Variants in ARMC8 observed in about 807,000 individuals in gnomAD.
ARMC8 encodes the protein armadillo repeat containing 8.
ARMC8 carries 20 observed loss-of-function variants against 99.3 expected under a neutral mutation model. The observed-to-expected ratio is 0.20, with a 90% confidence interval of 0.14 to 0.29. The LOEUF is 0.29. Among genes scored for constraint, ARMC8 ranks in the 10% least tolerant of loss-of-function variants. The pLI is 1.00. For synonymous variants in ARMC8, 263 were observed against 278.3 expected, an observed-to-expected ratio of 0.95 and a Z score of 0.55; for missense variants, 569 against 809.5, an observed-to-expected ratio of 0.70 and a Z score of 3.60.
chr3:138,215,930 G>A (rs958024812), intron 2 of ARMC8, among the ~76,000 whole-genome samples: 3 of 150,936 alleles, frequency 2.0e-5, no homozygotes, highest in African/African-American at 7.3e-5. Context: ...ATGCAATCTC[G>A]GCTCACTGCA....
chr3:138,293,199 G>A (rs75268451), intron 21 of ARMC8, among the ~76,000 whole-genome samples: 1,574 of 152,306 alleles, frequency 0.01, 25 homozygotes, highest in African/African-American at 0.036. Context: ...AAGCACACAG[G>A]ACAGGCTAGG....
intron 3 of ARMC8, 56 bp from the exon 4 acceptor site, chr3:138,223,333 A>AT: frequency 1.3e-6 from 2 of 1,570,158 alleles, no homozygotes; most frequent in South Asian, 2.3e-5. Flanking sequence ...TTTTGGTCAC[A>AT]TTGAGTCTTG....
chr3:138,216,526 C>T (rs777151204), intron 2 of ARMC8, among the ~76,000 whole-genome samples: 11 of 152,120 alleles, frequency 7.2e-5, no homozygotes, highest in Non-Finnish European at 1.3e-4. Context: ...GAAAGGTTAT[C>T]ATACTTGGAT....
chr3:138,265,934 A>C (rs1447933050), intron 14 of ARMC8, among the ~76,000 whole-genome samples: 3 of 152,204 alleles, frequency 2.0e-5, no homozygotes, highest in African/African-American at 7.2e-5. Flanking sequence ...CCCTGGAGCT[A>C]CTTCAGTGGA....
Position 138,289,031 on chromosome 3 carries a change from T to C in ARMC8, c.1822-17T>C. 1 of 1,603,496 alleles carries C rather than the reference T, an allele frequency of 6.2e-7. No homozygotes were observed. Among genetic ancestry groups the C allele is most frequent in the Non-Finnish European group, 8.5e-7 (1 of 1,174,374 alleles). On this transcript the variant is annotated splice_polypyrimidine_tract_variant and intron_variant, in intron 19 of 21. Transcript: ENST00000469044. Reference sequence around the variant, plus strand: ...TTACCACCATTTTGATTTTTTTTTCTTTTTCTGTATTAATAGGGCCATTCA... The same window carrying C: ...TTACCACCATTTTGATTTTTTTTTCCTTTTCTGTATTAATAGGGCCATTCA...
chr3:138,219,010 G>A (rs866022848), intron 2 of ARMC8, among the ~76,000 whole-genome samples: 15 of 152,258 alleles, frequency 9.9e-5, no homozygotes, highest in Middle Eastern at 3.4e-3. Flanking sequence ...AATGTCTGAT[G>A]TCCTGGCCAT....
At chr3:138,195,434 A>G (rs2043669537) in intron 1 of ARMC8, among the ~76,000 whole-genome samples, 1 of 152,214 alleles carries the variant, frequency 6.6e-6, no homozygotes, top group African/African-American at 2.4e-5. Context: ...TATTTAAGGA[A>G]AGACTAAGAT....
Position 138,223,624 on chromosome 3 carries a change from T to C in ARMC8, c.338-12T>C, listed in dbSNP as rs1462587490. The C allele has an allele frequency of 6.2e-7, 1 of 1,613,812 alleles. No homozygotes were observed. The highest frequency in any genetic ancestry group is 1.7e-5 in the Admixed American group (1 of 60,004). Reference sequence around the variant, plus strand: ...TGAAAGGATTAGTCCTAAATCTCATTTCTGTTAATAGGACTACTGTCCCCA... The same window carrying C: ...TGAAAGGATTAGTCCTAAATCTCATCTCTGTTAATAGGACTACTGTCCCCA... On this transcript the variant is annotated splice_polypyrimidine_tract_variant and intron_variant, in intron 4 of 21. Transcript: ENST00000469044.
intron 2 of ARMC8, among the ~76,000 whole-genome samples, chr3:138,215,629 A>G (rs1244248044): frequency 6.6e-6 from 1 of 152,202 alleles, no homozygotes; most frequent in Non-Finnish European, 1.5e-5. Flanking sequence ...TAAAGTGTTA[A>G]TATCTACCAA....
At chr3:138,204,351 C>T (rs987372352) in intron 1 of ARMC8, among the ~76,000 whole-genome samples, 2 of 152,202 alleles carry the variant, frequency 1.3e-5, no homozygotes, top group African/African-American at 4.8e-5. Context: ...TTACAGTTCT[C>T]TCCCTTCTCA....
intron 12 of ARMC8, chr3:138,246,768 G>A (rs2046900375): frequency 2.0e-6 from 2 of 984,756 alleles, no homozygotes; most frequent in Admixed American, 6.2e-5. Context: ...CAACATGACA[G>A]TCTAATCAGT....
chr3:138,295,828 A>G, intron 21 of ARMC8, 31 bp from the exon 22 acceptor site: 1 of 1,612,874 alleles, frequency 6.2e-7, no homozygotes, highest in South Asian at 1.1e-5. Flanking sequence ...CAATTCTGAG[A>G]TGATGGCTAA....
In ARMC8 at chr3:138,233,826, C is replaced by T. The variant is rs180887211; in HGVS notation, c.529-1208C>T. ...TTGGGGAGCCCAGACCGATAGCCAA[C>T]CTTTGTGATATTTTTCTCTTCTGAG... is the stretch of plus-strand genomic sequence containing the variant. On this transcript the variant is annotated intron_variant, in intron 6 of 21. Transcript: ENST00000469044. 4.1e-4 allele frequency among the ~76,000 whole-genome samples: 63 copies of T among 152,246 alleles called. 1 individual carries two copies. The highest frequency in any genetic ancestry group is 2.4e-3 in the Admixed American group (36 of 15,292).
chr3:138,195,916 T>TA (rs924932247), intron 1 of ARMC8, among the ~76,000 whole-genome samples: 28 of 151,786 alleles, frequency 1.8e-4, no homozygotes, highest in African/African-American at 6.8e-4. Flanking sequence ...AATGAAGAGT[T>TA]ACATTTTCTA....
intron 5 of ARMC8, 155 bp from the exon 6 acceptor site, chr3:138,228,763 G>A: frequency 1.7e-6 from 1 of 587,342 alleles, no homozygotes; most frequent in Non-Finnish European, 3.2e-6. Flanking sequence ...AGTTTTCATG[G>A]CCTCGTTGCT....
intron 1 of ARMC8, among the ~76,000 whole-genome samples, chr3:138,195,647 G>A (rs1349134167): frequency 6.6e-6 from 1 of 152,108 alleles, no homozygotes; most frequent in Admixed American, 6.5e-5. Context: ...TTGTTTTGCA[G>A]TACCATCTGT....
intron 12 of ARMC8, among the ~76,000 whole-genome samples, chr3:138,247,353 C>G (rs74975794): frequency 0.049 from 7,424 of 152,034 alleles, 601 homozygotes; most frequent in African/African-American, 0.17. Context: ...TTTCAGTTAA[C>G]TGAGTCAATA....
chr3:138,239,574 G>A lies in ARMC8; in HGVS notation c.837+46G>A, dbSNP rs751820972. 1.6e-5 allele frequency: 20 copies of A among 1,267,824 alleles called. No homozygotes were observed. The African/African-American group carries it at 2.2e-4, about 14-fold the overall frequency. The allele number at this position is 1,267,824 out of a possible 1,614,324, so 78.5% of individuals were successfully genotyped here. ...TAAAATGTGAAAATTATCCAGTTAT[G>A]TGTTAAATATCAGTATTGATACTCA... is the stretch of plus-strand genomic sequence containing the variant. On this transcript the variant is annotated intron_variant, in intron 10 of 21. Coordinates refer to ENST00000469044, the MANE Select transcript of ARMC8 (RefSeq NM_001363941.2).
intron 1 of ARMC8, among the ~76,000 whole-genome samples, chr3:138,206,654 C>T (rs2044388265): frequency 6.6e-6 from 1 of 152,186 alleles, no homozygotes; most frequent in Admixed American, 6.5e-5. Context: ...TGCCTTCTCT[C>T]CCTACCTCTT....
Sources: allele counts gnomAD v4.1 joint callset (sites outside exome capture counted in the v4.1 genomes callset), GRCh38; gene constraint gnomAD v4.1.1; transcripts MANE v1.5; gene names NCBI Gene and HGNC (gene_info 2026-07-23, HGNC 2026-07-21).